LGSN: variants seen among roughly 807,000 people sequenced by gnomAD.
LGSN encodes lengsin.
Under a neutral mutation model 19.5 loss-of-function variants are expected in LGSN, and 21 were observed. The observed-to-expected ratio is 1.07, with a 90% CI of 0.76 to 1.55. The LOEUF (loss-of-function observed/expected upper bound fraction) is 1.55. Among genes scored for constraint, LGSN ranks in the 40% most tolerant of loss-of-function variants. The pLI is 0.00. For missense variants in LGSN, 673 were observed against 608.5 expected, an observed-to-expected ratio of 1.11 and a Z score of -1.12; for synonymous variants, 257 against 215.6, an observed-to-expected ratio of 1.19 and a Z score of -1.68.
chr6:63,342,266 T>C, the LGSN span, among the ~76,000 whole-genome samples: 1 of 152,224 alleles, frequency 6.6e-6, no homozygotes, highest in Non-Finnish European at 1.5e-5. Flanking sequence ...AATCAACCAA[T>C]TTGATTCTGT....
chr6:63,572,932 G>C, the LGSN span, among the ~76,000 whole-genome samples: 3 of 152,172 alleles, frequency 2.0e-5, no homozygotes, highest in African/African-American at 7.2e-5. Context: ...CCTCGGGGCT[G>C]CGGGGTGGCG....
At chr6:63,568,729 A>G in the LGSN span, among the ~76,000 whole-genome samples, 1 of 152,200 alleles carries the variant, frequency 6.6e-6, no homozygotes, top group Non-Finnish European at 1.5e-5. Context: ...TTTATTTTTA[A>G]TAATCATATA....
chr6:63,540,218 A>G, the LGSN span, among the ~76,000 whole-genome samples: 4 of 152,318 alleles, frequency 2.6e-5, no homozygotes, highest in Non-Finnish European at 5.9e-5. Flanking sequence ...TTACTCCTTG[A>G]ACAACCTACC....
chr6:63,453,789 A>G, the LGSN span, among the ~76,000 whole-genome samples: 2 of 151,760 alleles, frequency 1.3e-5, no homozygotes, highest in Non-Finnish European at 2.9e-5. Flanking sequence ...AAGTAGCTGG[A>G]ACTACAGGCG....
the LGSN span, among the ~76,000 whole-genome samples, chr6:63,446,359 A>G: frequency 6.6e-6 from 1 of 151,482 alleles, no homozygotes; most frequent in South Asian, 2.1e-4. Context: ...ACAGTTTCTC[A>G]AACATACCAA....
chr6:63,458,193 G>A, the LGSN span, among the ~76,000 whole-genome samples: 10 of 151,924 alleles, frequency 6.6e-5, no homozygotes, highest in African/African-American at 9.7e-5. Context: ...TCAGCCTCCC[G>A]AGTAGCTGGG....
At chr6:63,462,596 C>T in the LGSN span, among the ~76,000 whole-genome samples, 1 of 152,190 alleles carries the variant, frequency 6.6e-6, no homozygotes, top group Non-Finnish European at 1.5e-5. Flanking sequence ...GATCGCACCA[C>T]TGCACAAAAC....
At chr6:63,443,652 C>A in the LGSN span, 5 of 799,982 alleles carry the variant, frequency 6.3e-6, no homozygotes, top group African/African-American at 7.4e-5. Context: ...CTCTGCTGGA[C>A]ACAAACTCTT....
At chr6:63,352,669 TCACACACACACAGACACACACACA>T in the LGSN span, among the ~76,000 whole-genome samples, 2 of 150,566 alleles carry the variant, frequency 1.3e-5, no homozygotes, top group Non-Finnish European at 1.5e-5. Context: ...TCTCTCTCTC[TCACACACACACAGACACACACACA>T]CACACACACA....
chr6:63,361,317 C>G, the LGSN span, among the ~76,000 whole-genome samples: 1 of 152,188 alleles, frequency 6.6e-6, no homozygotes, highest in Non-Finnish European at 1.5e-5. Context: ...GTTTGAGCTT[C>G]CTGGCTGCTT....
chr6:63,498,886 G>A, the LGSN span, among the ~76,000 whole-genome samples: 21 of 152,068 alleles, frequency 1.4e-4, no homozygotes, highest in Middle Eastern at 6.8e-3. Flanking sequence ...CAAACCCGAT[G>A]GTGGAAGTAT....
chr6:63,552,903 C>T, the LGSN span, among the ~76,000 whole-genome samples: 51 of 152,226 alleles, frequency 3.4e-4, no homozygotes, highest in Admixed American at 1.6e-3. Flanking sequence ...GTACCAGTAC[C>T]GTGCTGTTTT....
chr6:63,408,466 T>G, the LGSN span, among the ~76,000 whole-genome samples: 7 of 145,236 alleles, frequency 4.8e-5, no homozygotes, highest in Admixed American at 2.7e-4. Context: ...CTGGGAAAAC[T>G]GGCTAGCCAT....
the LGSN span, chr6:63,480,183 G>A: frequency 4.5e-6 from 1 of 221,120 alleles, no homozygotes; most frequent in Non-Finnish European, 1.0e-5. Context: ...GTGCACAATG[G>A]TTACCTGGCT....
rs1479366730 is a variant in LGSN, at chr6:63,277,422, T to C, written c.*2599A>G. ...GGAAGTCGTCTTTCACTGGTTCTTA[T>C]ACCTTTGTTCTTTCATCCCCAAATC... is the stretch of plus-strand genomic sequence containing the variant. On this transcript the variant is annotated 3_prime_UTR_variant, in exon 4 of 4. Transcript: ENST00000370657. The C allele has an allele frequency of 1.3e-5, 2 of 152,204 alleles. No individual in the cohort carries two copies. Among genetic ancestry groups the C allele is most frequent in the African/African-American group, 2.4e-5 (1 of 41,458 alleles). 9.4% of individuals were successfully genotyped at this position (152,204 alleles called of 1,614,324 possible).
chr6:63,517,030 G>C, the LGSN span, among the ~76,000 whole-genome samples: 1 of 152,088 alleles, frequency 6.6e-6, no homozygotes, highest in South Asian at 2.1e-4. Context: ...TTATTTCTCT[G>C]TCTGCCAAAC....
At chr6:63,533,968 C>T in the LGSN span, among the ~76,000 whole-genome samples, 7 of 151,962 alleles carry the variant, frequency 4.6e-5, no homozygotes, top group Non-Finnish European at 7.4e-5. Flanking sequence ...CTCAGCCTCC[C>T]GAGTAGCTGG....
At chr6:63,480,822 GAAAAA>G in the LGSN span, among the ~76,000 whole-genome samples, 34 of 127,534 alleles carry the variant, frequency 2.7e-4, 1 homozygote, top group Middle Eastern at 3.8e-3. Context: ...GTCATTATAT[GAAAAA>G]AAAAAAAAAA....
the LGSN span, among the ~76,000 whole-genome samples, chr6:63,467,031 A>G: frequency 2.0e-5 from 3 of 152,206 alleles, no homozygotes; most frequent in African/African-American, 7.2e-5. Context: ...ACTGAGGAGT[A>G]AGTTGACATA....
Sources: gnomAD v4.1 joint callset for allele counts (sites outside exome capture counted in the v4.1 genomes callset) on GRCh38, gnomAD v4.1.1 for gene constraint, MANE v1.5 for transcripts, NCBI Gene and HGNC (gene_info 2026-07-23, HGNC 2026-07-21) for gene names.